The following DCAF7 variants were observed in gnomAD, a reference collection of about 807,000 sequenced individuals.
DCAF7 encodes the protein DDB1- and CUL4-associated factor 7.
DCAF7 carries 4 observed loss-of-function variants against 41.2 expected under a neutral mutation model. That is an observed-to-expected ratio of 0.10 (90% CI 0.05 to 0.22). DCAF7 has a LOEUF of 0.22. Ranked by LOEUF, DCAF7 falls within the 10% of genes least tolerant of loss-of-function variation. The pLI is 1.00. For synonymous variants in DCAF7, 143 were observed against 164.2 expected (o/e 0.87, Z 0.99); for missense variants, 131 against 443.2 (o/e 0.30, Z 6.32).
chr17:63,562,888 A>G (rs1019290255), intron 1 of DCAF7, among the ~76,000 whole-genome samples: 6 of 151,618 alleles, frequency 4.0e-5, no homozygotes, highest in African/African-American at 7.3e-5. Context: ...CAGTGGCACA[A>G]TTCACAGCTC....
rs368119927 is a variant in DCAF7, at chr17:63,589,019, C to G, written c.876C>G (p.Leu292=). 1.7e-5 allele frequency: 27 copies of G among 1,613,126 alleles called. No homozygotes were observed. The African/African-American group carries it at 3.5e-4, about 21-fold the overall frequency. ...ICTAADDHQA[L]IWDIQQMPRA... Reference sequence around the variant, plus strand: ...CCCTAGCGGATGACCACCAGGCTCTCATCTGGGACATCCAGCAAATGCCCC... The same window carrying G: ...CCCTAGCGGATGACCACCAGGCTCTGATCTGGGACATCCAGCAAATGCCCC... The change falls in exon 7 of 7, where the codon CTC becomes CTG. Residue 292 remains leucine, a synonymous_variant. Coordinates refer to ENST00000614556, the MANE Select transcript of DCAF7 (RefSeq NM_005828.5).
In DCAF7 at chr17:63,588,898, C is replaced by T. The variant is rs923885097; in HGVS notation, c.857-102C>T. ...TGGGGGCTTAAAATAGAACCGCCAT[C>T]ACGGGGGTGCTTTGTAAACTGTGAC... is the stretch of plus-strand genomic sequence containing the variant. On this transcript the variant is annotated intron_variant, in intron 6 of 6. Transcript: ENST00000614556. 6 of 1,278,654 alleles carry T rather than the reference C, an allele frequency of 4.7e-6. No homozygotes were observed. In the Admixed American group the frequency reaches 1.6e-4, roughly 35 times the overall value. The allele number at this position is 1,278,654 out of a possible 1,614,324, so 79.2% of individuals were successfully genotyped here. A position where few individuals can be genotyped will look rare whatever the true frequency, so the allele number is the denominator to read the frequency against.
chr17:63,593,459 C>A lies in DCAF7; in HGVS notation c.*4287C>A, dbSNP rs2033754788. On this transcript the variant is annotated 3_prime_UTR_variant, in exon 7 of 7. Transcript: ENST00000614556. ...ACATGCAGGTGCCTTCCCAAAGAGG[C>A]TTGGACTGGTATATCCAACGAGAAA... 6.6e-6 allele frequency: 1 copy of A among 152,652 alleles called. No homozygotes were observed. Among genetic ancestry groups the A allele is most frequent in the Admixed American group, 6.5e-5 (1 of 15,280 alleles). The allele number at this position is 152,652 out of a possible 1,614,324, so 9.5% of individuals were successfully genotyped here.
chr17:63,563,151 C>T (rs566005961), intron 1 of DCAF7, among the ~76,000 whole-genome samples: 3 of 152,180 alleles, frequency 2.0e-5, no homozygotes, highest in African/African-American at 7.2e-5. Flanking sequence ...CAAAACATGA[C>T]AGACAATAGT....
chr17:63,551,617 A>G (rs960294560), intron 1 of DCAF7, among the ~76,000 whole-genome samples: 5 of 152,130 alleles, frequency 3.3e-5, no homozygotes, highest in Admixed American at 6.6e-5. Context: ...TGAAAGTTGA[A>G]TAAGTCAGTT....
chr17:63,570,268 ACG>A, intron 1 of DCAF7, among the ~76,000 whole-genome samples: 1 of 152,000 alleles, frequency 6.6e-6, no homozygotes. Context: ...AGCCTGGGCA[ACG>A]CAGCAAAACC....
chr17:63,577,010 A>G (rs1022300771), intron 1 of DCAF7, among the ~76,000 whole-genome samples: 21 of 152,372 alleles, frequency 1.4e-4, no homozygotes, highest in African/African-American at 5.0e-4. Flanking sequence ...ACATGGATGA[A>G]TCTCAAGAGC....
At chr17:63,561,005 C>T (rs34140914) in intron 1 of DCAF7, among the ~76,000 whole-genome samples, 3,395 of 152,328 alleles carry the variant, frequency 0.022, 58 homozygotes, top group Non-Finnish European at 0.03. Flanking sequence ...TGCAGTGGCT[C>T]ATGCCTGTAA....
rs66502552 is a variant in DCAF7 at position 63,583,528 on chromosome 17, C to CG, written c.560dup (p.Gly188TrpfsTer11). ...TCTATGATATTGCATTTAGCCGGGC[C>CG]GGGGGTGGCAGGGACATGTTTGCCT... On this transcript the variant is annotated frameshift_variant, in exon 5 of 7. Transcript: ENST00000614556. LOFTEE classifies it high-confidence loss of function. 1 of 1,613,882 alleles carries CG rather than the reference C, an allele frequency of 6.2e-7. No individual in the cohort carries two copies. Among genetic ancestry groups the CG allele is most frequent in the Non-Finnish European group, 8.5e-7 (1 of 1,179,850 alleles).
chr17:63,584,459 C>A (rs1345400202), intron 5 of DCAF7, among the ~76,000 whole-genome samples: 31 of 149,994 alleles, frequency 2.1e-4, no homozygotes, highest in Non-Finnish European at 4.0e-4. Context: ...TAGAGCAAGA[C>A]TCCATCTGAA....
At chr17:63,551,818 G>A (rs1297939021) in intron 1 of DCAF7, among the ~76,000 whole-genome samples, 2 of 148,866 alleles carry the variant, frequency 1.3e-5, no homozygotes, top group African/African-American at 2.5e-5. Context: ...AGGCCGAGGC[G>A]GGCGGATTAC....
At position 63,579,794 on chromosome 17, in the gene DCAF7, G is replaced by T. The variant is rs768230561; in HGVS notation, c.410-31G>T. 10 of 1,581,474 alleles carry T rather than the reference G, an allele frequency of 6.3e-6. No homozygotes were observed. The Admixed American group carries it at 1.5e-4, about 24-fold the overall frequency. ...AAGCTTGCATGAGAACCTTGGTCCC[G>T]TCAGCCCTGACTTGCACTGGTTGTT... On this transcript the variant is annotated intron_variant, in intron 3 of 6. Coordinates refer to ENST00000614556, the MANE Select transcript of DCAF7 (RefSeq NM_005828.5).
In DCAF7 at chr17:63,589,203, G is replaced by T; in HGVS notation, c.*31G>T. On this transcript the variant is annotated 3_prime_UTR_variant, in exon 7 of 7. Transcript: ENST00000614556. The stretch of plus-strand genomic sequence containing the variant: ...GTGGCGCTGTGCCCACGAGGCAGGG[G>T]CTTTTGTATTTCCTGCCTCTGCCCC... 6.2e-7 allele frequency: 1 copy of T among 1,611,856 alleles called. No individual in the cohort carries two copies. The highest frequency in any genetic ancestry group is 8.5e-7 in the Non-Finnish European group (1 of 1,179,672).
intron 1 of DCAF7, among the ~76,000 whole-genome samples, chr17:63,567,496 A>G (rs1046132197): frequency 1.6e-4 from 24 of 152,236 alleles, no homozygotes; most frequent in African/African-American, 5.5e-4. Flanking sequence ...AGGACTGTCT[A>G]TTGTAAGTAG....
chr17:63,562,539 TTTA>T lies in DCAF7; in HGVS notation c.138+11738_138+11740del, dbSNP rs567879311. Among the ~76,000 whole-genome samples the T allele has an allele frequency of 5.8e-3, 880 of 151,448 alleles. 12 individuals are homozygous for T. Among genetic ancestry groups the T allele is most frequent in the African/African-American group, 0.02 (828 of 41,266 alleles). ...TTTTTTTATTTTTTATTTTTTATTT[TTTA>T]TTATTATTATTATACTTTAAGTTTT... On this transcript the variant is annotated intron_variant, in intron 1 of 6. Coordinates refer to ENST00000614556, the MANE Select transcript of DCAF7 (RefSeq NM_005828.5).
rs2033750664 is a variant in DCAF7 at position 63,593,044 on chromosome 17, CTG to C, written c.*3873_*3874del. 3 of 152,372 alleles carry C rather than the reference CTG, an allele frequency of 2.0e-5. No individual in the cohort carries two copies. Among genetic ancestry groups the C allele is most frequent in the Admixed American group, 2.0e-4 (3 of 15,296 alleles). 9.4% of individuals were successfully genotyped at this position (152,372 alleles called of 1,614,324 possible). ...GGGAGGGCAGCCCAGTACTGTCCCT[CTG>C]CCTTCCCCACTTTGAGAATATGGCA... On this transcript the variant is annotated 3_prime_UTR_variant, in exon 7 of 7. Transcript: ENST00000614556.
intron 1 of DCAF7, among the ~76,000 whole-genome samples, chr17:63,553,313 A>G (rs2033277230): frequency 6.6e-6 from 1 of 152,260 alleles, no homozygotes; most frequent in South Asian, 2.1e-4. Flanking sequence ...ACAGACAGTC[A>G]TACCACTGTG....
intron 1 of DCAF7, among the ~76,000 whole-genome samples, chr17:63,555,252 A>G (rs1050329511): frequency 6.6e-6 from 1 of 152,150 alleles, no homozygotes; most frequent in African/African-American, 2.4e-5. Context: ...TTGCCCCAGT[A>G]TTTAACTGAC....
chr17:63,584,200 T>C (rs1471372009), intron 5 of DCAF7, among the ~76,000 whole-genome samples: 1 of 152,216 alleles, frequency 6.6e-6, no homozygotes, highest in Non-Finnish European at 1.5e-5. Flanking sequence ...CCGGGCGCTC[T>C]GGGTCACGCC....
Sources: allele counts gnomAD v4.1 joint callset (sites outside exome capture counted in the v4.1 genomes callset), GRCh38; gene constraint gnomAD v4.1.1; transcripts MANE v1.5; gene names NCBI Gene and HGNC (gene_info 2026-07-23, HGNC 2026-07-21).